The following CACNA1I variants were observed in gnomAD, a reference collection of about 807,000 sequenced individuals.
CACNA1I encodes voltage-dependent T-type calcium channel subunit alpha-1I.
A neutral mutation model predicts 201.6 loss-of-function variants in CACNA1I; 74 were observed. That is an observed-to-expected ratio of 0.37 (90% CI 0.30 to 0.45). The LOEUF is 0.45. Ranked by LOEUF, CACNA1I falls within the 20% of genes least tolerant of loss-of-function variation. The pLI is 1.00. For missense variants in CACNA1I, 2,346 were observed against 3,138.1 expected, an observed-to-expected ratio of 0.75 and a Z score of 6.03; for synonymous variants, 1,431 against 1,345.2, an observed-to-expected ratio of 1.06 and a Z score of -1.40.
chr22:39,663,624 G>A (rs1005888519), intron 18 of CACNA1I, 94 bp from the exon 19 acceptor site: 4 of 1,480,314 alleles, frequency 2.7e-6, no homozygotes, highest in Non-Finnish European at 3.7e-6. Context: ...CTCGAGGCCA[G>A]CGTGGTCTGC....
Position 39,649,510 on chromosome 22 carries a change from C to T in CACNA1I, c.1577C>T (p.Pro526Leu), listed in dbSNP as rs752791976. Residue 526 changes from proline to leucine, a missense_variant, in exon 10 of 37, where the codon CCG becomes CTG. This residue lies in a region of CACNA1I where 312 missense variants were observed against 331.5 expected (regional missense o/e 0.94). Transcript: ENST00000402142. This position sits in a 1 kb window ranked among gnomAD's most constrained non-coding sequence, Gnocchi z 7.3. The part of the protein sequence containing the change: ...GNDHSGRELC[P>L]QHSPLDATPH... ...CTCATTTGCTTTTCAGAGCTGTGCC[C>T]GCAACATAGCCCCCTGGATGCGACG... 35 of 1,563,306 alleles carry T rather than the reference C, an allele frequency of 2.2e-5. No individual in the cohort carries two copies. The highest frequency in any genetic ancestry group is 1.7e-4 in the Middle Eastern group (1 of 5,860).
At chr22:39,660,272 A>G in intron 14 of CACNA1I, 72 bp from the exon 15 acceptor site, 1 of 1,216,542 alleles carries the variant, frequency 8.2e-7, no homozygotes, top group Non-Finnish European at 1.2e-6. Context: ...CACCCATAGA[A>G]AAATTCTAGA....
At chr22:39,628,764 C>A (rs1017482949) in intron 4 of CACNA1I, among the ~76,000 whole-genome samples, 2 of 152,180 alleles carry the variant, frequency 1.3e-5, no homozygotes, top group Non-Finnish European at 2.9e-5. Context: ...CCGCCCAGCC[C>A]CTTTACTGAC....
At chr22:39,600,792 G>T (rs914813401) in intron 3 of CACNA1I, 139 bp downstream of exon 3, 2 of 1,120,648 alleles carry the variant, frequency 1.8e-6, no homozygotes, top group African/African-American at 3.3e-5. Context: ...GGGCTGGGAG[G>T]AATGATGGAC....
At chr22:39,663,671 G>C (rs372033670) in intron 18 of CACNA1I, 47 bp from the exon 19 acceptor site, 2 of 1,609,696 alleles carry the variant, frequency 1.2e-6, no homozygotes, top group Non-Finnish European at 1.7e-6. Context: ...TTCTGGCCAG[G>C]GTGGGAGGCA....
intron 3 of CACNA1I, among the ~76,000 whole-genome samples, chr22:39,607,825 C>G (rs1011213700): frequency 2.0e-5 from 3 of 148,706 alleles, no homozygotes; most frequent in African/African-American, 7.6e-5. Context: ...CCCATGTCTA[C>G]TAAAAATACA....
rs1257532145 is a variant in CACNA1I, at chr22:39,662,150, C to T, written c.3087C>T (p.Ala1029=). 2.0e-6 allele frequency: 3 copies of T among 1,527,514 alleles called. No homozygotes were observed. Among genetic ancestry groups the T allele is most frequent in the Admixed American group, 4.1e-5 (2 of 48,850 alleles). 94.6% of individuals were successfully genotyped at this position (1,527,514 alleles called of 1,614,324 possible). A position where few individuals can be genotyped will look rare whatever the true frequency, so the allele number is the denominator to read the frequency against. ...EVAADEGPPR[A]APLHTPHAHH... ...CCGCGGACGAGGGGCCGCCGCGGGC[C>T]GCACCCCTGCACACCCCACACGCCC... The change falls in exon 17 of 37, where the codon GCC becomes GCT. Residue 1029 remains alanine (A), a synonymous_variant. Coordinates refer to ENST00000402142, the MANE Select transcript of CACNA1I (RefSeq NM_021096.4).
chr22:39,682,526 G>T lies in CACNA1I; in HGVS notation c.5695G>T (p.Val1899Leu). Residue 1899 changes from valine (V) to leucine (L), a missense_variant, in exon 35 of 37, where the codon GTG (valine) becomes TTG (leucine). By Grantham distance (32) the Val-to-Leu change is conservative. This residue lies in a region of CACNA1I where 441 missense variants were observed against 555.6 expected (regional missense o/e 0.79). Coordinates refer to ENST00000402142, the MANE Select transcript of CACNA1I (RefSeq NM_021096.4). ...GCTGGACCCACCTGAGCCCATGCGT[G>T]TGGGAGACCTGGGCGAATGCTTCTT... ...GELDPPEPMRVGDLGECFFPL... is the reference protein window; with the variant it reads ...GELDPPEPMRLGDLGECFFPL... The T allele has an allele frequency of 6.2e-7, 1 of 1,613,806 alleles. No individual in the cohort carries two copies. The highest frequency in any genetic ancestry group is 8.5e-7 in the Non-Finnish European group (1 of 1,179,848).
At chr22:39,614,359 T>G (rs1933469690) in intron 3 of CACNA1I, among the ~76,000 whole-genome samples, 1 of 152,106 alleles carries the variant, frequency 6.6e-6, no homozygotes, top group Non-Finnish European at 1.5e-5. Flanking sequence ...CTGGCTCAAG[T>G]AACCGGGGAG....
At chr22:39,652,050 T>C (rs1934666872) in intron 10 of CACNA1I, among the ~76,000 whole-genome samples, 2 of 151,614 alleles carry the variant, frequency 1.3e-5, no homozygotes, top group Non-Finnish European at 1.5e-5. Flanking sequence ...TTTTTTTTTT[T>C]TGAGATGGAG....
At chr22:39,650,833 G>C (rs1934625292) in intron 10 of CACNA1I, among the ~76,000 whole-genome samples, 1 of 152,218 alleles carries the variant, frequency 6.6e-6, no homozygotes, top group Admixed American at 6.5e-5. Context: ...GGGCCCCAGG[G>C]GGACAGTACA....
intron 4 of CACNA1I, among the ~76,000 whole-genome samples, chr22:39,622,613 G>T (rs136807): frequency 2.9e-5 from 4 of 138,640 alleles, no homozygotes; most frequent in Non-Finnish European, 4.7e-5. Context: ...GGGGCGGTGG[G>T]GGGGGCAGTG....
At chr22:39,599,560 A>G (rs1157218379) in intron 2 of CACNA1I, among the ~76,000 whole-genome samples, 1 of 132,060 alleles carries the variant, frequency 7.6e-6, no homozygotes, top group Non-Finnish European at 1.6e-5. Context: ...CGGAGCTTGC[A>G]GTGAGCCGAG....
At chr22:39,579,301 C>T (rs1293072669) in intron 1 of CACNA1I, among the ~76,000 whole-genome samples, 2 of 152,182 alleles carry the variant, frequency 1.3e-5, no homozygotes, top group African/African-American at 4.8e-5. Context: ...GACTGAGGCC[C>T]GGGAAGGGAG....
Position 39,659,408 on chromosome 22 carries a change from T to G in CACNA1I, c.2331-25T>G. ...GGCAGTTTGGTGCATGTGAGTCCGA[T>G]GAGCCTCTTCCATCCTTTCCCCAGC... On this transcript the variant is annotated intron_variant, in intron 12 of 36. Transcript: ENST00000402142. This position sits in a 1 kb window ranked among gnomAD's most constrained non-coding sequence, Gnocchi z 4.3. 1.4e-6 allele frequency: 2 copies of G among 1,450,874 alleles called. No individual in the cohort carries two copies. Among genetic ancestry groups the G allele is most frequent in the Non-Finnish European group, 1.9e-6 (2 of 1,054,516 alleles). The allele number at this position is 1,450,874 out of a possible 1,614,324, so 89.9% of individuals were successfully genotyped here.
chr22:39,658,057 G>T (rs1934881964), intron 10 of CACNA1I, 95 bp from the exon 11 acceptor site: 3 of 1,353,322 alleles, frequency 2.2e-6, no homozygotes. Context: ...ACACCGACCT[G>T]CCAGGGTCAC....
chr22:39,594,212 C>A (rs1195976853), intron 1 of CACNA1I, among the ~76,000 whole-genome samples: 5 of 152,158 alleles, frequency 3.3e-5, no homozygotes, highest in Non-Finnish European at 7.3e-5. Context: ...GTAAAATGGG[C>A]CTGCTGACCT....
chr22:39,676,841 C>T lies in CACNA1I; in HGVS notation c.4855-500C>T, dbSNP rs954529912. Among the ~76,000 whole-genome samples the T allele has an allele frequency of 6.6e-6, 1 of 152,198 alleles. No individual in the cohort carries two copies. The highest frequency in any genetic ancestry group is 2.4e-5 in the African/African-American group (1 of 41,448). On this transcript the variant is annotated intron_variant, in intron 29 of 36. Transcript: ENST00000402142. The surrounding 1 kb of genome is among the most constrained non-coding windows in gnomAD (Gnocchi z 4.8). ...CTAGTGTTAGAGCTGAGACCTCCTG[C>T]CTTCTCCCTTCCCTTCGTTCATCCA... is the stretch of plus-strand genomic sequence containing the variant.
In CACNA1I at chr22:39,662,443, G is replaced by C; in HGVS notation, c.3372+8G>C. The C allele has an allele frequency of 2.1e-6, 3 of 1,426,188 alleles. No individual in the cohort carries two copies. The South Asian group carries it at 4.5e-5, about 21-fold the overall frequency. 88.3% of individuals were successfully genotyped at this position (1,426,188 alleles called of 1,614,324 possible). A position where few individuals can be genotyped will look rare whatever the true frequency, so the allele number is the denominator to read the frequency against. ...GAGGAGGAAATCGACTACGTGAGTG[G>C]GGGCGGGGCCGAAGGGGACCTGGTG... On this transcript the variant is annotated splice_region_variant and intron_variant, in intron 17 of 36. Coordinates refer to ENST00000402142, the MANE Select transcript of CACNA1I (RefSeq NM_021096.4).
Sources: gnomAD v4.1 joint callset for allele counts (sites outside exome capture counted in the v4.1 genomes callset) on GRCh38, gnomAD v4.1.1 for gene constraint, gnomAD v4.1.1 regional missense constraint, Gnocchi (gnomAD v3.1) non-coding constraint, MANE v1.5 for transcripts, NCBI Gene and HGNC (gene_info 2026-07-23, HGNC 2026-07-21) for gene names.